CDH13: variants seen among roughly 807,000 people sequenced by gnomAD.
CDH13 encodes cadherin-13.
Under a neutral mutation model 63.8 loss-of-function variants are expected in CDH13, and 24 were observed. That is an observed-to-expected ratio of 0.38 (90% CI 0.27 to 0.53). CDH13 has a LOEUF of 0.53. CDH13 is among the 20% of genes least tolerant of loss of function. CDH13 has a pLI of 0.85. For synonymous variants in CDH13, 503 were observed against 355.3 expected (o/e 1.42, Z -4.67); for missense variants, 1,049 against 903.1 (o/e 1.16, Z -2.07).
At chr16:83,758,396 T>G (rs966746010) in intron 11 of CDH13, among the ~76,000 whole-genome samples, 1 of 152,150 alleles carries the variant, frequency 6.6e-6, no homozygotes, top group Admixed American at 6.5e-5. Context: ...AAAAAATTCA[T>G]GTTGATTTCT....
chr16:83,482,025 G>A (rs1431740596), intron 6 of CDH13, among the ~76,000 whole-genome samples: 3 of 152,172 alleles, frequency 2.0e-5, no homozygotes, highest in Admixed American at 6.5e-5. Context: ...CCTGGGCATA[G>A]CATTGGTATG....
chr16:83,542,040 G>A (rs570773233), intron 7 of CDH13, among the ~76,000 whole-genome samples: 46 of 152,326 alleles, frequency 3.0e-4, no homozygotes, highest in African/African-American at 1.1e-3. Context: ...GCTCCTTACA[G>A]TGTAGGCCAT....
chr16:83,061,600 C>T (rs547814194), intron 3 of CDH13, among the ~76,000 whole-genome samples: 9 of 152,170 alleles, frequency 5.9e-5, no homozygotes, highest in African/African-American at 1.7e-4. Flanking sequence ...ATTCAGGGCA[C>T]CCAATGCAAA....
chr16:83,264,283 G>A (rs772358514), intron 5 of CDH13, among the ~76,000 whole-genome samples: 1 of 152,074 alleles, frequency 6.6e-6, no homozygotes, highest in Admixed American at 6.6e-5. Context: ...CTTTCTGTTG[G>A]ATCACACTGA....
At chr16:83,023,567 C>T (rs1288674136) in intron 2 of CDH13, among the ~76,000 whole-genome samples, 2 of 152,174 alleles carry the variant, frequency 1.3e-5, no homozygotes, top group Non-Finnish European at 2.9e-5. Flanking sequence ...TTTCAGTTAT[C>T]CACATGGTGT....
At chr16:82,824,703 T>C (rs1471732319) in intron 1 of CDH13, 3 of 152,092 alleles carry the variant, frequency 2.0e-5, no homozygotes, top group Non-Finnish European at 4.4e-5. Flanking sequence ...TTCAACACGA[T>C]GTTGCAAAGA....
chr16:83,738,760 G>T (rs1489562374), intron 10 of CDH13, among the ~76,000 whole-genome samples: 1 of 152,130 alleles, frequency 6.6e-6, no homozygotes, highest in Non-Finnish European at 1.5e-5. Context: ...ACAAAAATTA[G>T]CCGGGCATGG....
intron 5 of CDH13, among the ~76,000 whole-genome samples, chr16:83,299,133 T>C (rs2089670735): frequency 2.0e-5 from 3 of 152,196 alleles, no homozygotes; most frequent in Admixed American, 2.0e-4. Flanking sequence ...TACACTGTTT[T>C]GCAACCTGTT....
At chr16:82,717,463 C>CG in intron 1 of CDH13, among the ~76,000 whole-genome samples, 1 of 151,102 alleles carries the variant, frequency 6.6e-6, no homozygotes, top group East Asian at 1.9e-4. Flanking sequence ...AAGAGCCCCC[C>CG]CACTCATCCA....
intron 5 of CDH13, among the ~76,000 whole-genome samples, chr16:83,273,427 C>G (rs1270558829): frequency 6.6e-6 from 1 of 151,960 alleles, no homozygotes; most frequent in African/African-American, 2.4e-5. Context: ...TCTATTAGCT[C>G]CCACTTATAA....
chr16:83,581,284 A>T (rs963587644), intron 7 of CDH13, among the ~76,000 whole-genome samples: 3 of 152,180 alleles, frequency 2.0e-5, no homozygotes, highest in African/African-American at 4.8e-5. Context: ...CCCTGTTTTA[A>T]ACAGCTACTC....
rs182408991 is a variant in CDH13, at chr16:82,790,558, A to T, written c.46-67804A>T. ...TTATTTGGTCAAGTGAAAATAAAGC[A>T]TATCCTGCGTCCCATAGTAGGGTAG... On this transcript the variant is annotated intron_variant, in intron 1 of 13. Transcript: ENST00000567109. Among the ~76,000 whole-genome samples the T allele has an allele frequency of 3.2e-4, 48 of 152,344 alleles. 1 individual carries two copies. The East Asian group carries it at 7.9e-3, about 25-fold the overall frequency.
At chr16:83,108,980 C>T (rs1162531929) in intron 3 of CDH13, among the ~76,000 whole-genome samples, 1 of 152,178 alleles carries the variant, frequency 6.6e-6, no homozygotes, top group Non-Finnish European at 1.5e-5. Context: ...CTCACTTCCT[C>T]ATTCTCCTGC....
chr16:82,636,966 C>G lies in CDH13; in HGVS notation c.45+9829C>G, dbSNP rs148196757. 2.6e-5 allele frequency among the ~76,000 whole-genome samples: 4 copies of G among 152,272 alleles called. No homozygotes were observed. In the East Asian group the frequency reaches 7.7e-4, roughly 29 times the overall value. On this transcript the variant is annotated intron_variant, in intron 1 of 13. Transcript: ENST00000567109. Reference sequence around the variant, plus strand: ...GCTCACCCCCTCACTCGTGGTATGACCTTCAGCAAGCAGCTTGAATGTTTT... The same window carrying G: ...GCTCACCCCCTCACTCGTGGTATGAGCTTCAGCAAGCAGCTTGAATGTTTT...
At chr16:83,274,705 G>T (rs188565122) in intron 5 of CDH13, among the ~76,000 whole-genome samples, 6 of 151,840 alleles carry the variant, frequency 4.0e-5, no homozygotes, top group African/African-American at 1.5e-4. Flanking sequence ...CTACTGCAAT[G>T]GTTCTCAAAC....
At chr16:82,710,407 C>G (rs1016914207) in intron 1 of CDH13, among the ~76,000 whole-genome samples, 2 of 145,550 alleles carry the variant, frequency 1.4e-5, no homozygotes, top group Non-Finnish European at 3.0e-5. Flanking sequence ...GTGGTGGGTG[C>G]TGTAGTCCCA....
At chr16:83,031,592 C>G (rs574423641) in intron 2 of CDH13, among the ~76,000 whole-genome samples, 2 of 151,938 alleles carry the variant, frequency 1.3e-5, no homozygotes, top group South Asian at 4.2e-4. Context: ...CTTCTCATCT[C>G]CTACTTATCT....
intron 5 of CDH13, among the ~76,000 whole-genome samples, chr16:83,315,180 A>G (rs2090080631): frequency 6.6e-6 from 1 of 152,228 alleles, no homozygotes; most frequent in South Asian, 2.1e-4. Flanking sequence ...TCCTAAGCTC[A>G]TATGTGGAAG....
At chr16:83,275,789 TA>T (rs2088968281) in intron 5 of CDH13, among the ~76,000 whole-genome samples, 1 of 152,036 alleles carries the variant, frequency 6.6e-6, no homozygotes, top group East Asian at 1.9e-4. Context: ...TCAGAGCAAA[TA>T]AGTTCCCCGG....
Sources: allele counts gnomAD v4.1 joint callset (sites outside exome capture counted in the v4.1 genomes callset), GRCh38; gene constraint gnomAD v4.1.1; transcripts MANE v1.5; gene names NCBI Gene and HGNC (gene_info 2026-07-23, HGNC 2026-07-21).